DLGAP2: variants seen among roughly 807,000 people sequenced by gnomAD.
The protein encoded by DLGAP2 is disks large-associated protein 2.
A neutral mutation model predicts 100.3 loss-of-function variants in DLGAP2; 26 were observed. That is an observed-to-expected ratio of 0.26 (90% CI 0.19 to 0.36). The LOEUF is 0.36. DLGAP2 is among the 10% of genes least tolerant of loss of function. The pLI, the probability that DLGAP2 is intolerant of heterozygous loss-of-function variation, is 1.00. For synonymous variants in DLGAP2, 886 were observed against 630.1 expected, an observed-to-expected ratio of 1.41 and a Z score of -6.08; for missense variants, 1,858 against 1,453.2, an observed-to-expected ratio of 1.28 and a Z score of -4.53.
intron 3 of DLGAP2, among the ~76,000 whole-genome samples, chr8:1,352,082 C>G (rs6988559): frequency 2.0e-5 from 1 of 50,894 alleles, no homozygotes; most frequent in Non-Finnish European, 4.1e-5. Context: ...CGGGTCCTGA[C>G]TGTGTGTGGA....
intron 1 of DLGAP2, among the ~76,000 whole-genome samples, chr8:814,974 A>G (rs1487143768): frequency 6.6e-6 from 1 of 152,104 alleles, no homozygotes; most frequent in Non-Finnish European, 1.5e-5. Flanking sequence ...AGATTAAGCT[A>G]AAGAAATTTC....
intron 3 of DLGAP2, among the ~76,000 whole-genome samples, chr8:1,441,562 C>T (rs1274421135): frequency 2.6e-5 from 4 of 151,782 alleles, no homozygotes; most frequent in East Asian, 3.9e-4. Context: ...TTGGTGGGCA[C>T]CTGTGGTCCC....
chr8:1,348,638 C>G (rs77821303), intron 3 of DLGAP2, among the ~76,000 whole-genome samples: 1 of 151,966 alleles, frequency 6.6e-6, no homozygotes, highest in African/African-American at 2.4e-5. Flanking sequence ...AGTTCCCACA[C>G]AGAGCTGCAT....
At chr8:1,156,596 C>T (rs879201573) in intron 2 of DLGAP2, among the ~76,000 whole-genome samples, 6 of 72,368 alleles carry the variant, frequency 8.3e-5, no homozygotes, top group South Asian at 4.2e-4. Flanking sequence ...CAGCCCAGCG[C>T]CCCAGCCTAG....
chr8:1,652,888 A>G (rs779594056), intron 8 of DLGAP2, among the ~76,000 whole-genome samples: 4 of 152,174 alleles, frequency 2.6e-5, no homozygotes, highest in African/African-American at 7.2e-5. Context: ...CAGCGTTCGT[A>G]TCTCAAGGCT....
intron 3 of DLGAP2, among the ~76,000 whole-genome samples, chr8:1,336,346 G>A (rs193066012): frequency 6.6e-6 from 1 of 152,244 alleles, no homozygotes; most frequent in African/African-American, 2.4e-5. Flanking sequence ...GAGGGGTGGT[G>A]AGAGAAAGGA....
At chr8:1,459,266 A>G (rs1022709273) in intron 3 of DLGAP2, among the ~76,000 whole-genome samples, 2 of 137,366 alleles carry the variant, frequency 1.5e-5, no homozygotes, top group African/African-American at 5.2e-5. Flanking sequence ...GCTGGTTTAC[A>G]TGCATATACC....
At chr8:987,029 G>T (rs971016476) in intron 2 of DLGAP2, among the ~76,000 whole-genome samples, 1 of 152,182 alleles carries the variant, frequency 6.6e-6, no homozygotes, top group Non-Finnish European at 1.5e-5. Flanking sequence ...AAAAATCATG[G>T]AGCAAATCCC....
intron 3 of DLGAP2, among the ~76,000 whole-genome samples, chr8:1,357,963 T>G (rs1801895020): frequency 6.6e-6 from 1 of 152,138 alleles, no homozygotes; most frequent in Non-Finnish European, 1.5e-5. Flanking sequence ...TGCTGAAATT[T>G]AGGACAGACC....
intron 3 of DLGAP2, among the ~76,000 whole-genome samples, chr8:1,326,941 G>A (rs748549555): frequency 3.3e-5 from 5 of 152,228 alleles, no homozygotes; most frequent in African/African-American, 7.2e-5. Flanking sequence ...AAGATCAGCC[G>A]TGCTCTTTAG....
At chr8:866,364 C>T (rs892705407) in intron 1 of DLGAP2, among the ~76,000 whole-genome samples, 20 of 152,228 alleles carry the variant, frequency 1.3e-4, no homozygotes, top group African/African-American at 4.3e-4. Flanking sequence ...CAGTGCCAGG[C>T]GGGCGCAGGT....
At chr8:1,157,900 T>C (rs1306627631) in intron 2 of DLGAP2, among the ~76,000 whole-genome samples, 2 of 152,216 alleles carry the variant, frequency 1.3e-5, no homozygotes, top group African/African-American at 2.4e-5. Context: ...TGTTTAGTCT[T>C]CTGGGCACCT....
At chr8:935,740 C>G (rs1425367852) in intron 2 of DLGAP2, among the ~76,000 whole-genome samples, 2 of 152,156 alleles carry the variant, frequency 1.3e-5, no homozygotes, top group South Asian at 2.1e-4. Context: ...GCGTCCTGCT[C>G]TAGTTTCAGA....
intron 3 of DLGAP2, among the ~76,000 whole-genome samples, chr8:1,324,738 T>C (rs1024620500): frequency 1.3e-5 from 2 of 152,200 alleles, no homozygotes; most frequent in South Asian, 2.1e-4. Context: ...ATATGAGATA[T>C]TTGGGCAGGC....
chr8:822,612 G>A (rs1224132515), intron 1 of DLGAP2, among the ~76,000 whole-genome samples: 2 of 152,212 alleles, frequency 1.3e-5, no homozygotes, highest in Admixed American at 6.5e-5. Context: ...CCAAGTGTAC[G>A]TGTGACTGCA....
At chr8:979,104 G>T (rs1246553166) in intron 2 of DLGAP2, among the ~76,000 whole-genome samples, 2 of 152,054 alleles carry the variant, frequency 1.3e-5, no homozygotes, top group East Asian at 3.9e-4. Flanking sequence ...TAAATTGGGG[G>T]TGGGGGATGG....
At chr8:798,329 G>A (rs1796078293) in intron 1 of DLGAP2, among the ~76,000 whole-genome samples, 1 of 148,348 alleles carries the variant, frequency 6.7e-6, no homozygotes, top group Admixed American at 6.7e-5. Flanking sequence ...CGTTGGCACT[G>A]AAAGCAAACG....
chr8:966,974 AT>A (rs1241777200), intron 2 of DLGAP2, among the ~76,000 whole-genome samples: 1 of 152,240 alleles, frequency 6.6e-6, no homozygotes, highest in African/African-American at 2.4e-5. Context: ...TGTCTCTTGC[AT>A]TTGAGTGGCT....
intron 2 of DLGAP2, among the ~76,000 whole-genome samples, chr8:1,204,747 A>G (rs1797954182): frequency 6.6e-6 from 1 of 152,182 alleles, no homozygotes. Context: ...GTAGGAGAGG[A>G]GAAAGCAAGG....
Sources: allele counts gnomAD v4.1 joint callset (sites outside exome capture counted in the v4.1 genomes callset), GRCh38; gene constraint gnomAD v4.1.1; transcripts MANE v1.5; gene names NCBI Gene and HGNC (gene_info 2026-07-23, HGNC 2026-07-21).